The following ARMH3 variants were observed in gnomAD, a reference collection of about 807,000 sequenced individuals.
ARMH3 encodes the protein armadillo like helical domain containing 3.
In ARMH3, 60 loss-of-function variants were observed where a neutral mutation model predicts 99.1. The ratio of observed to expected loss-of-function variants is 0.61; its 90% CI spans 0.49 to 0.75. The LOEUF (loss-of-function observed/expected upper bound fraction) is 0.75. ARMH3 is among the 30% of genes least tolerant of loss of function. ARMH3 has a pLI of 0.00. For missense variants in ARMH3, 679 were observed against 843.1 expected, an observed-to-expected ratio of 0.81 and a Z score of 2.41; for synonymous variants, 285 against 292.8, an observed-to-expected ratio of 0.97 and a Z score of 0.27.
intron 23 of ARMH3, among the ~76,000 whole-genome samples, chr10:101,892,536 C>T (rs2067719518): frequency 6.6e-6 from 1 of 151,958 alleles, no homozygotes; most frequent in Non-Finnish European, 1.5e-5. Flanking sequence ...TAACAAATCA[C>T]TATTTTATAG....
At chr10:102,026,800 T>C (rs1024572590) in intron 5 of ARMH3, among the ~76,000 whole-genome samples, 7 of 152,198 alleles carry the variant, frequency 4.6e-5, no homozygotes, top group African/African-American at 1.7e-4. Context: ...GCGTAAGATA[T>C]ATACACTAAT....
At chr10:101,911,759 A>G (rs1842876482) in intron 23 of ARMH3, among the ~76,000 whole-genome samples, 1 of 152,134 alleles carries the variant, frequency 6.6e-6, no homozygotes, top group South Asian at 2.1e-4. Flanking sequence ...ACATGGGGCC[A>G]GGCACAGTGG....
At chr10:101,857,658 C>T (rs1335485968) in intron 24 of ARMH3, among the ~76,000 whole-genome samples, 4 of 152,182 alleles carry the variant, frequency 2.6e-5, no homozygotes, top group Non-Finnish European at 4.4e-5. Context: ...CTTTCTAATA[C>T]CCAGCAAATT....
chr10:101,880,747 C>G (rs544409013), intron 24 of ARMH3, among the ~76,000 whole-genome samples: 1 of 152,146 alleles, frequency 6.6e-6, no homozygotes, highest in Non-Finnish European at 1.5e-5. Flanking sequence ...CCTCATAAGT[C>G]TTTGTGTTCT....
At chr10:101,919,039 A>G in intron 23 of ARMH3, among the ~76,000 whole-genome samples, 1 of 152,202 alleles carries the variant, frequency 6.6e-6, no homozygotes, top group Non-Finnish European at 1.5e-5. Flanking sequence ...GAAAATATTT[A>G]GTATTAAGAG....
intron 1 of ARMH3, among the ~76,000 whole-genome samples, 192 bp downstream of exon 1, chr10:102,055,893 C>A (rs1590253917): frequency 6.6e-6 from 1 of 152,224 alleles, no homozygotes; most frequent in South Asian, 2.1e-4. Context: ...CGGCCGCCCC[C>A]AGGCCCAGCC....
intron 24 of ARMH3, among the ~76,000 whole-genome samples, chr10:101,871,753 C>T (rs1217977702): frequency 6.6e-6 from 1 of 152,112 alleles, no homozygotes; most frequent in Non-Finnish European, 1.5e-5. Flanking sequence ...GTAATCCCAG[C>T]ACTTTGGGAG....
intron 2 of ARMH3, among the ~76,000 whole-genome samples, chr10:102,035,766 C>T (rs2067241502): frequency 6.6e-6 from 1 of 152,148 alleles, no homozygotes; most frequent in African/African-American, 2.4e-5. Context: ...TCCTCCACCT[C>T]CCAGCCGCCT....
intron 24 of ARMH3, among the ~76,000 whole-genome samples, chr10:101,879,856 C>T (rs887123378): frequency 2.0e-5 from 3 of 152,256 alleles, no homozygotes; most frequent in East Asian, 3.9e-4. Flanking sequence ...AGCTGACCCT[C>T]GCATGTGGGC....
Position 101,919,907 on chromosome 10 carries a change from G to A in ARMH3, c.1781+19956C>T, listed in dbSNP as rs532365799. Among the ~76,000 whole-genome samples, 171 of 152,030 alleles carry A rather than the reference G, an allele frequency of 1.1e-3. 1 individual carries two copies. Among genetic ancestry groups the A allele is most frequent in the African/African-American group, 3.7e-3 (154 of 41,452 alleles). On this transcript the variant is annotated intron_variant, in intron 23 of 25. Coordinates refer to ENST00000370033, the MANE Select transcript of ARMH3 (RefSeq NM_024541.3). ...AGTCAATTTCTCTTCTGGAGAGTCC[G>A]CCTGGCATTTTTGTTCAGTGTTTCT...
intron 24 of ARMH3, among the ~76,000 whole-genome samples, chr10:101,872,223 G>A (rs533347452): frequency 6.7e-6 from 1 of 149,982 alleles, no homozygotes; most frequent in South Asian, 2.1e-4. Flanking sequence ...TATTTAGAGA[G>A]TGTGTGTGTG....
chr10:102,024,207 T>C (rs2066949138), intron 6 of ARMH3, among the ~76,000 whole-genome samples: 1 of 152,102 alleles, frequency 6.6e-6, no homozygotes, highest in Non-Finnish European at 1.5e-5. Context: ...TCCCAGCACT[T>C]AGGGAGGCTG....
rs1845112173 is a variant in ARMH3, at chr10:101,957,876, G to A, written c.1496-144C>T. ...CCAAGGTCTTTTAAAAAGCAGGTAA[G>A]GTAGGTATATTTGAGGAAAGCACTC... On this transcript the variant is annotated intron_variant, in intron 20 of 25. Transcript: ENST00000370033. 2.7e-5 allele frequency: 33 copies of A among 1,208,030 alleles called. No individual in the cohort carries two copies. The South Asian group carries it at 5.6e-4, about 20-fold the overall frequency. The allele number at this position is 1,208,030 out of a possible 1,614,324, so 74.8% of individuals were successfully genotyped here.
chr10:101,964,021 C>T (rs998130264), intron 20 of ARMH3, among the ~76,000 whole-genome samples: 10 of 151,844 alleles, frequency 6.6e-5, no homozygotes, highest in Admixed American at 5.3e-4. Flanking sequence ...GGACTACAGG[C>T]GCCCGCCACC....
chr10:102,049,260 G>A (rs1248930865), intron 1 of ARMH3, among the ~76,000 whole-genome samples: 1 of 152,144 alleles, frequency 6.6e-6, no homozygotes, highest in Admixed American at 6.5e-5. Context: ...AATGAAAATA[G>A]GGCTGGCACG....
chr10:101,988,221 C>T (rs769805324), intron 19 of ARMH3, among the ~76,000 whole-genome samples: 9 of 152,100 alleles, frequency 5.9e-5, no homozygotes, highest in Non-Finnish European at 1.3e-4. Context: ...GGCAATGATG[C>T]TTACTAACAG....
chr10:101,968,571 A>G (rs2135885001), intron 20 of ARMH3, among the ~76,000 whole-genome samples: 1 of 152,244 alleles, frequency 6.6e-6, no homozygotes, highest in South Asian at 2.1e-4. Flanking sequence ...GGCCTATGAG[A>G]GTTGACATTT....
In ARMH3 at chr10:101,978,315, C is replaced by A. The variant is rs188080842; in HGVS notation, c.1407-3015G>T. The stretch of plus-strand genomic sequence containing the variant: ...GGTGAATTATAAATACACATCAATT[C>A]CTCTAGCTAGTGTCTCTGGCTCTCA... On this transcript the variant is annotated intron_variant, in intron 19 of 25. Coordinates refer to ENST00000370033, the MANE Select transcript of ARMH3 (RefSeq NM_024541.3). Among the ~76,000 whole-genome samples the A allele has an allele frequency of 1.6e-4, 25 of 152,176 alleles. No individual in the cohort carries two copies. In the East Asian group the frequency reaches 4.8e-3, roughly 29 times the overall value.
At chr10:101,883,306 A>G (rs1291357576) in intron 24 of ARMH3, among the ~76,000 whole-genome samples, 1 of 152,046 alleles carries the variant, frequency 6.6e-6, no homozygotes, top group East Asian at 1.9e-4. Flanking sequence ...AGTCTTAGCT[A>G]CTCAGGAGGC....
Sources: gnomAD v4.1 joint callset for allele counts (sites outside exome capture counted in the v4.1 genomes callset) on GRCh38, gnomAD v4.1.1 for gene constraint, MANE v1.5 for transcripts, NCBI Gene and HGNC (gene_info 2026-07-23, HGNC 2026-07-21) for gene names.